The following TACR3 variants were observed in gnomAD, a reference collection of about 807,000 sequenced individuals.
TACR3 encodes neuromedin-K receptor.
A neutral mutation model predicts 35.0 loss-of-function variants in TACR3; 34 were observed. The ratio of observed to expected loss-of-function variants is 0.97; its 90% CI spans 0.74 to 1.30. TACR3 has a LOEUF of 1.30. Ranked by LOEUF, TACR3 falls within the 50% of genes most tolerant of loss-of-function variation. TACR3 has a pLI of 0.00. For synonymous variants in TACR3, 233 were observed against 221.1 expected (o/e 1.05, Z -0.48); for missense variants, 558 against 591.7 (o/e 0.94, Z 0.59).
At chr4:103,677,931 GA>G (rs140843607) in intron 1 of TACR3, among the ~76,000 whole-genome samples, 15 of 146,950 alleles carry the variant, frequency 1.0e-4, no homozygotes, top group African/African-American at 1.7e-4. Context: ...GGCATAGAAA[GA>G]AAAAAAAAAG....
intron 3 of TACR3, among the ~76,000 whole-genome samples, chr4:103,627,413 A>G (rs1724920296): frequency 6.7e-6 from 1 of 149,624 alleles, no homozygotes; most frequent in Non-Finnish European, 1.5e-5. Context: ...AATCCTAGCT[A>G]CTCAGAAGGC....
At chr4:103,633,266 T>C (rs1725106919) in intron 3 of TACR3, among the ~76,000 whole-genome samples, 1 of 152,086 alleles carries the variant, frequency 6.6e-6, no homozygotes, top group East Asian at 1.9e-4. Context: ...GGTCTTATTA[T>C]AATTAAAAGT....
intron 1 of TACR3, among the ~76,000 whole-genome samples, chr4:103,675,681 G>A (rs1229522942): frequency 1.3e-5 from 2 of 152,088 alleles, no homozygotes; most frequent in African/African-American, 4.8e-5. Flanking sequence ...ACAGGTTGGA[G>A]GCTTAGCCAA....
intron 3 of TACR3, among the ~76,000 whole-genome samples, chr4:103,630,007 A>G (rs1221407290): frequency 6.6e-6 from 1 of 152,208 alleles, no homozygotes; most frequent in Non-Finnish European, 1.5e-5. Flanking sequence ...GACCAATGGT[A>G]CAGAATAGAG....
chr4:103,593,458 A>G (rs1723937840), intron 3 of TACR3: 1 of 151,988 alleles, frequency 6.6e-6, no homozygotes, highest in Non-Finnish European at 1.5e-5. Flanking sequence ...TGCAGATAAA[A>G]TTTAAAATAA....
At position 103,589,883 on chromosome 4, in the gene TACR3, A is replaced by G. The variant is rs760246433; in HGVS notation, c.1197T>C (p.Ser399=). 6.2e-7 allele frequency: 1 copy of G among 1,613,990 alleles called. No individual in the cohort carries two copies. Among genetic ancestry groups the G allele is most frequent in the Non-Finnish European group, 8.5e-7 (1 of 1,179,880 alleles). ...TTRFHPNRQS[S]MYTVTRMESM... ...ACTCCATTCTGGTCACGGTGTACATACTGCTTTGCCGGTTTGGATGAAACC... is the reference window on the plus strand; with the variant it reads ...ACTCCATTCTGGTCACGGTGTACATGCTGCTTTGCCGGTTTGGATGAAACC... The change falls in exon 5 of 5, where the codon AGT becomes AGC. Residue 399 remains serine (S), a synonymous_variant. Transcript: ENST00000304883.
At chr4:103,692,089 G>C (rs1254941366) in intron 1 of TACR3, among the ~76,000 whole-genome samples, 1 of 152,016 alleles carries the variant, frequency 6.6e-6, no homozygotes, top group Non-Finnish European at 1.5e-5. Flanking sequence ...CCCAGCATCT[G>C]TACATCAATC....
At chr4:103,692,396 T>A (rs888864833) in intron 1 of TACR3, among the ~76,000 whole-genome samples, 1 of 152,166 alleles carries the variant, frequency 6.6e-6, no homozygotes, top group Non-Finnish European at 1.5e-5. Flanking sequence ...TTAACATTGC[T>A]TCAAGTTGTA....
intron 3 of TACR3, among the ~76,000 whole-genome samples, chr4:103,650,701 A>AC (rs1553971524): frequency 1.5e-4 from 1 of 6,650 alleles, no homozygotes; most frequent in Non-Finnish European, 5.8e-4. Context: ...ATATATATTT[A>AC]TATATATAAA....
intron 3 of TACR3, among the ~76,000 whole-genome samples, chr4:103,601,875 A>G (rs113709389): frequency 0.012 from 1,884 of 152,054 alleles, 39 homozygotes; most frequent in African/African-American, 0.043. Flanking sequence ...TTTAGTTGCT[A>G]TTCTTGAGGA....
At chr4:103,658,180 A>G in intron 2 of TACR3, 35 bp downstream of exon 2, 1 of 1,601,070 alleles carries the variant, frequency 6.2e-7, no homozygotes, top group Non-Finnish European at 8.6e-7. Flanking sequence ...TGTTTGATAA[A>G]CTGAATTGAA....
At chr4:103,707,576 G>A (rs1392154992) in intron 1 of TACR3, among the ~76,000 whole-genome samples, 1 of 152,184 alleles carries the variant, frequency 6.6e-6, no homozygotes, top group Non-Finnish European at 1.5e-5. Flanking sequence ...CAGTGTGAGC[G>A]ACGCAGAAGA....
intron 1 of TACR3, among the ~76,000 whole-genome samples, chr4:103,678,884 A>G (rs1726230259): frequency 6.6e-6 from 1 of 151,770 alleles, no homozygotes; most frequent in South Asian, 2.1e-4. Context: ...GAGGGCCATA[A>G]GTCTTCTCAG....
intron 3 of TACR3, among the ~76,000 whole-genome samples, chr4:103,620,762 T>C (rs1211537456): frequency 6.6e-6 from 1 of 152,062 alleles, no homozygotes; most frequent in African/African-American, 2.4e-5. Context: ...GGGGTGGATT[T>C]AAAAAACTAC....
At chr4:103,636,425 G>A (rs1230486986) in intron 3 of TACR3, among the ~76,000 whole-genome samples, 1 of 151,914 alleles carries the variant, frequency 6.6e-6, no homozygotes, top group Non-Finnish European at 1.5e-5. Context: ...TTTGATTGCT[G>A]ATATTGGAAA....
chr4:103,713,242 TA>T (rs1475118239), intron 1 of TACR3, among the ~76,000 whole-genome samples: 2 of 151,888 alleles, frequency 1.3e-5, no homozygotes, highest in Non-Finnish European at 2.9e-5. Flanking sequence ...CCATCAATGA[TA>T]GACTGGATTA....
chr4:103,615,105 C>T (rs1434204445), intron 3 of TACR3, among the ~76,000 whole-genome samples: 1 of 151,664 alleles, frequency 6.6e-6, no homozygotes, highest in Non-Finnish European at 1.5e-5. Flanking sequence ...ACTGTGTTAG[C>T]CAGGATGGTC....
intron 1 of TACR3, among the ~76,000 whole-genome samples, chr4:103,705,340 A>T (rs1053983615): frequency 6.6e-6 from 1 of 152,124 alleles, no homozygotes; most frequent in African/African-American, 2.4e-5. Flanking sequence ...TTTCTTACAT[A>T]AAAAGTGGTA....
intron 1 of TACR3, among the ~76,000 whole-genome samples, chr4:103,658,836 C>A (rs1725782727): frequency 6.6e-6 from 1 of 152,036 alleles, no homozygotes; most frequent in African/African-American, 2.4e-5. Context: ...ACATTTATTG[C>A]ACACTTTATT....
Sources: gnomAD v4.1 joint callset for allele counts (sites outside exome capture counted in the v4.1 genomes callset) on GRCh38, gnomAD v4.1.1 for gene constraint, MANE v1.5 for transcripts, NCBI Gene and HGNC (gene_info 2026-07-23, HGNC 2026-07-21) for gene names.